EXOC4: variants seen among roughly 807,000 people sequenced by gnomAD.
EXOC4 encodes the protein exocyst complex component 4.
In EXOC4, 71 loss-of-function variants were observed where a neutral mutation model predicts 107.2. The ratio of observed to expected loss-of-function variants is 0.66; its 90% CI spans 0.55 to 0.81. The LOEUF is 0.81. EXOC4 is among the 30% of genes least tolerant of loss of function. EXOC4 has a pLI of 0.00. For synonymous variants in EXOC4, 456 were observed against 441.2 expected (o/e 1.03, Z -0.42); for missense variants, 1,108 against 1,189.6 (o/e 0.93, Z 1.01).
intron 2 of EXOC4, among the ~76,000 whole-genome samples, chr7:133,280,858 T>C (rs1373515779): frequency 6.6e-6 from 1 of 152,198 alleles, no homozygotes; most frequent in Non-Finnish European, 1.5e-5. Flanking sequence ...AGCCCAAATA[T>C]AAGATGCTGC....
chr7:133,855,618 A>G (rs1453635835), intron 11 of EXOC4, among the ~76,000 whole-genome samples: 1 of 151,294 alleles, frequency 6.6e-6, no homozygotes, highest in African/African-American at 2.4e-5. Context: ...TAATAGAATG[A>G]TCAATGATTT....
chr7:133,435,537 G>A (rs969217134), intron 7 of EXOC4, among the ~76,000 whole-genome samples: 4 of 152,162 alleles, frequency 2.6e-5, no homozygotes, highest in Admixed American at 2.6e-4. Context: ...GCTATGGATT[G>A]TATAACATAA....
chr7:133,343,058 A>G (rs534854057), intron 5 of EXOC4, among the ~76,000 whole-genome samples: 1 of 152,184 alleles, frequency 6.6e-6, no homozygotes, highest in East Asian at 1.9e-4. Context: ...ATCCATTGCT[A>G]GTGAGCTACT....
chr7:133,971,473 A>T (rs919216308), intron 14 of EXOC4, among the ~76,000 whole-genome samples: 32 of 150,552 alleles, frequency 2.1e-4, no homozygotes, highest in African/African-American at 7.5e-4. Context: ...GTGAATATAT[A>T]TACACATATA....
chr7:133,323,839 C>T (rs1418419725), intron 5 of EXOC4, among the ~76,000 whole-genome samples: 1 of 152,146 alleles, frequency 6.6e-6, no homozygotes, highest in Non-Finnish European at 1.5e-5. Flanking sequence ...CCATCTGATC[C>T]TGGACTTTTT....
chr7:133,433,338 A>G (rs1797897411), intron 7 of EXOC4, among the ~76,000 whole-genome samples: 1 of 152,196 alleles, frequency 6.6e-6, no homozygotes, highest in Admixed American at 6.5e-5. Flanking sequence ...GATATAACCA[A>G]TGGAATGTTA....
chr7:133,319,070 T>C (rs530393927), intron 5 of EXOC4, among the ~76,000 whole-genome samples: 5 of 152,356 alleles, frequency 3.3e-5, no homozygotes, highest in African/African-American at 1.2e-4. Context: ...AGTTGTTACA[T>C]CTTTGCTTTT....
chr7:133,904,945 C>G (rs186936955), intron 12 of EXOC4, among the ~76,000 whole-genome samples: 4 of 152,078 alleles, frequency 2.6e-5, no homozygotes, highest in Non-Finnish European at 5.9e-5. Flanking sequence ...CTAATTTGGA[C>G]GGCCAAATCC....
chr7:133,896,068 C>T (rs771399333), intron 12 of EXOC4, among the ~76,000 whole-genome samples: 2 of 152,144 alleles, frequency 1.3e-5, no homozygotes, highest in African/African-American at 4.8e-5. Context: ...TTAAAAAGAT[C>T]CTTAAAGTAG....
chr7:133,390,101 T>C (rs1241178108), intron 7 of EXOC4, among the ~76,000 whole-genome samples: 13 of 152,096 alleles, frequency 8.5e-5, no homozygotes. Flanking sequence ...GGCAGCTAGA[T>C]TGATCATGGG....
At chr7:133,876,055 C>T (rs752987695) in intron 11 of EXOC4, among the ~76,000 whole-genome samples, 8 of 152,162 alleles carry the variant, frequency 5.3e-5, no homozygotes, top group Admixed American at 2.0e-4. Context: ...TGGATGGATT[C>T]ACAGATAGGT....
intron 17 of EXOC4, among the ~76,000 whole-genome samples, chr7:134,050,822 G>T (rs956874700): frequency 6.0e-5 from 9 of 149,400 alleles, no homozygotes; most frequent in Non-Finnish European, 1.2e-4. Flanking sequence ...AACACACAAG[G>T]TTTTTTTTTT....
intron 10 of EXOC4, among the ~76,000 whole-genome samples, chr7:133,639,848 A>G (rs1406203609): frequency 2.0e-5 from 3 of 152,142 alleles, no homozygotes; most frequent in Non-Finnish European, 2.9e-5. Context: ...TCTGTAAAAT[A>G]CCACATTGTA....
chr7:133,338,294 T>A (rs73148931), intron 5 of EXOC4, among the ~76,000 whole-genome samples: 44,729 of 151,714 alleles, frequency 0.29, 7,427 homozygotes, highest in African/African-American at 0.45. Context: ...CATTTTATTT[T>A]TAAAAATTTT....
intron 13 of EXOC4, 95 bp from the exon 14 acceptor site, chr7:133,937,796 G>A: frequency 8.4e-7 from 1 of 1,183,804 alleles, no homozygotes; most frequent in Non-Finnish European, 1.2e-6. Flanking sequence ...TAGTGCTCAT[G>A]TCAGTCCTTG....
intron 10 of EXOC4, among the ~76,000 whole-genome samples, chr7:133,694,531 A>G (rs1397470023): frequency 1.3e-5 from 2 of 152,246 alleles, no homozygotes; most frequent in Non-Finnish European, 2.9e-5. Context: ...TTGGTCTAAC[A>G]GTATGTGTAA....
chr7:133,989,885 G>A (rs1207678587), intron 14 of EXOC4, among the ~76,000 whole-genome samples: 1 of 152,184 alleles, frequency 6.6e-6, no homozygotes, highest in East Asian at 1.9e-4. Flanking sequence ...CTGAGAAAGG[G>A]AAGGAGGTAG....
intron 14 of EXOC4, among the ~76,000 whole-genome samples, chr7:133,970,792 C>A (rs1801203046): frequency 6.6e-6 from 1 of 152,154 alleles, no homozygotes; most frequent in Admixed American, 6.5e-5. Context: ...TCCTATTCAG[C>A]CATCTTGCCA....
intron 11 of EXOC4, among the ~76,000 whole-genome samples, chr7:133,829,776 A>T (rs2151235561): frequency 6.6e-6 from 1 of 152,258 alleles, no homozygotes; most frequent in East Asian, 1.9e-4. Flanking sequence ...TACATTTCTC[A>T]TTCATTGCTT....
Sources: gnomAD v4.1 joint callset for allele counts (sites outside exome capture counted in the v4.1 genomes callset) on GRCh38, gnomAD v4.1.1 for gene constraint, MANE v1.5 for transcripts, NCBI Gene and HGNC (gene_info 2026-07-23, HGNC 2026-07-21) for gene names.